FRMD8: variants seen among roughly 807,000 people sequenced by gnomAD.
FRMD8 encodes the protein FERM domain containing 8, also known as FERM domain-containing protein 8.
FRMD8 carries 37 observed loss-of-function variants against 54.2 expected under a neutral mutation model. That is an observed-to-expected ratio of 0.68 (90% CI 0.53 to 0.90). The LOEUF is 0.90. FRMD8 is among the 40% of genes least tolerant of loss of function. FRMD8 has a pLI of 0.00. For missense variants in FRMD8, 585 were observed against 653.7 expected, an observed-to-expected ratio of 0.89 and a Z score of 1.15; for synonymous variants, 246 against 286.9, an observed-to-expected ratio of 0.86 and a Z score of 1.44.
chr11:65,400,154 C>G lies in FRMD8; in HGVS notation c.927+295C>G, dbSNP rs946971659. Reference sequence around the variant, plus strand: ...TGCCTGGCTGATGGCTGGAGAACAGCCTGATGCTCCAGAAGACCCCGCGAC... The same window carrying G: ...TGCCTGGCTGATGGCTGGAGAACAGGCTGATGCTCCAGAAGACCCCGCGAC... On this transcript the variant is annotated intron_variant, in intron 8 of 10. Coordinates refer to ENST00000317568, the MANE Select transcript of FRMD8 (RefSeq NM_031904.5). The surrounding 1 kb of genome is among the most constrained non-coding windows in gnomAD (Gnocchi z 4.3). Among the ~76,000 whole-genome samples, 1 of 152,190 alleles carries G rather than the reference C, an allele frequency of 6.6e-6. No homozygotes were observed. Among genetic ancestry groups the G allele is most frequent in the African/African-American group, 2.4e-5 (1 of 41,442 alleles).
In FRMD8 at chr11:65,394,113, C is replaced by G. The variant is rs759035096; in HGVS notation, c.414+14C>G. Reference sequence around the variant, plus strand: ...CGGGAGCTCCAGGTGAGGCAGGAGCCCTGGTGGCCCCACCAGGCCTGGCCC... The same window carrying G: ...CGGGAGCTCCAGGTGAGGCAGGAGCGCTGGTGGCCCCACCAGGCCTGGCCC... On this transcript the variant is annotated intron_variant, in intron 5 of 10. Coordinates refer to ENST00000317568, the MANE Select transcript of FRMD8 (RefSeq NM_031904.5). 6.2e-7 allele frequency: 1 copy of G among 1,613,194 alleles called. No homozygotes were observed. Among genetic ancestry groups the G allele is most frequent in the Non-Finnish European group, 8.5e-7 (1 of 1,179,402 alleles).
In FRMD8 at chr11:65,393,615, G is replaced by A. The variant is rs145529099; in HGVS notation, c.296G>A (p.Arg99His). 76 of 1,608,688 alleles carry A rather than the reference G, an allele frequency of 4.7e-5. No homozygotes were observed. Among genetic ancestry groups the A allele is most frequent in the Non-Finnish European group, 6.2e-5 (73 of 1,179,966 alleles). Residue 99 changes from arginine to histidine, a missense_variant, in exon 4 of 11, where the codon CGC becomes CAC. Transcript: ENST00000317568. The part of the protein sequence containing the change: ...KPKHQPYKLG[R>H]QWPELLLRFT... Reference sequence around the variant, plus strand: ...AAGCACCAGCCCTACAAGCTGGGACGCCAGTGGCCGGAGCTGCTGCTGCGC... The same window carrying A: ...AAGCACCAGCCCTACAAGCTGGGACACCAGTGGCCGGAGCTGCTGCTGCGC...
At chr11:65,403,888 T>C (rs1856132973) in intron 9 of FRMD8, among the ~76,000 whole-genome samples, 1 of 152,316 alleles carries the variant, frequency 6.6e-6, no homozygotes, top group East Asian at 1.9e-4. Flanking sequence ...CTGTTATGGT[T>C]GCACTCAGGA....
At position 65,411,842 on chromosome 11, in the gene FRMD8, C is replaced by T. The variant is rs1326081393; in HGVS notation, c.*482C>T. 1.3e-5 allele frequency: 2 copies of T among 153,240 alleles called. No individual in the cohort carries two copies. Among genetic ancestry groups the T allele is most frequent in the African/African-American group, 4.8e-5 (2 of 41,472 alleles). 9.5% of individuals were successfully genotyped at this position (153,240 alleles called of 1,614,324 possible). A position where few individuals can be genotyped will look rare whatever the true frequency, so the allele number is the denominator to read the frequency against. On this transcript the variant is annotated 3_prime_UTR_variant, in exon 11 of 11. Coordinates refer to ENST00000317568, the MANE Select transcript of FRMD8 (RefSeq NM_031904.5). ...CTTCCTCCTGCTAGTGCTCCACCCC[C>T]CGGACTTGGATGACCAGTTTCCCAC...
Position 65,411,272 on chromosome 11 carries a change from G to A in FRMD8, c.1307G>A (p.Arg436His), listed in dbSNP as rs761995134. The change falls in exon 11 of 11, where the codon CGC (arginine) becomes CAC (histidine). Residue 436 changes from arginine to histidine, a missense_variant. Coordinates refer to ENST00000317568, the MANE Select transcript of FRMD8 (RefSeq NM_031904.5). ...GKGIRRVKPKRTTSFFSRQLS... is the reference protein window; with the variant it reads ...GKGIRRVKPKHTTSFFSRQLS... ...GGGATCAGGCGAGTGAAGCCGAAGC[G>A]CACCACATCCTTCTTCAGCCGGCAG... 8.1e-6 allele frequency: 13 copies of A among 1,609,454 alleles called. No homozygotes were observed. Among genetic ancestry groups the A allele is most frequent in the South Asian group, 3.3e-5 (3 of 90,644 alleles).
At chr11:65,410,257 G>A (rs1479906697) in intron 10 of FRMD8, among the ~76,000 whole-genome samples, 8 of 152,292 alleles carry the variant, frequency 5.3e-5, no homozygotes, top group African/African-American at 1.9e-4. Flanking sequence ...CAGCACTTTT[G>A]GAGGCCAAGA....
the FRMD8 span, chr11:65,379,036 G>T: frequency 3.2e-6 from 1 of 313,896 alleles, no homozygotes; most frequent in Non-Finnish European, 6.0e-6. Flanking sequence ...TGGTTCTCCA[G>T]GGTCAAAGGT....
chr11:65,404,381 T>C lies in FRMD8; in HGVS notation c.1072-483T>C, dbSNP rs1391293998. ...GCATCTTTTCTGTCAGTGTGCCTCA[T>C]GCTTCACACCTGTTGAGTAGGAGTC... is the stretch of plus-strand genomic sequence containing the variant. On this transcript the variant is annotated intron_variant, in intron 9 of 10. Transcript: ENST00000317568. The surrounding 1 kb of genome is among the most constrained non-coding windows in gnomAD (Gnocchi z 4.7). Among the ~76,000 whole-genome samples the C allele has an allele frequency of 1.3e-5, 2 of 152,140 alleles. No homozygotes were observed. Among genetic ancestry groups the C allele is most frequent in the African/African-American group, 4.8e-5 (2 of 41,426 alleles).
At chr11:65,397,779 G>A (rs1237079438) in intron 7 of FRMD8, among the ~76,000 whole-genome samples, 4 of 151,872 alleles carry the variant, frequency 2.6e-5, no homozygotes, top group African/African-American at 4.8e-5. Context: ...TGGCACAATC[G>A]TGGCTCACTG....
Position 65,394,078 on chromosome 11 carries a change from C to T in FRMD8, c.393C>T (p.Phe131=). 1 of 1,614,138 alleles carries T rather than the reference C, an allele frequency of 6.2e-7. No homozygotes were observed. Among genetic ancestry groups the T allele is most frequent in the South Asian group, 1.1e-5 (1 of 91,082 alleles). The change falls in exon 5 of 11, where the codon TTC becomes TTT. Residue 131 remains phenylalanine, a synonymous_variant. Coordinates refer to ENST00000317568, the MANE Select transcript of FRMD8 (RefSeq NM_031904.5). ...TGCAGTTCCGAAGGAACGTGTTCTTCCCAAAGCGGCGGGAGCTCCAGGTGA... is the reference window on the plus strand; with the variant it reads ...TGCAGTTCCGAAGGAACGTGTTCTTTCCAAAGCGGCGGGAGCTCCAGGTGA... The part of the protein sequence containing the change: ...PFLQFRRNVF[F]PKRRELQIHD...
intron 10 of FRMD8, among the ~76,000 whole-genome samples, chr11:65,406,530 G>A (rs967069846): frequency 6.6e-6 from 1 of 151,794 alleles, no homozygotes; most frequent in Admixed American, 6.6e-5. Context: ...GGGTTTCACC[G>A]TGTTAGCCAG....
At chr11:65,368,677 C>G in the FRMD8 span, among the ~76,000 whole-genome samples, 1 of 152,206 alleles carries the variant, frequency 6.6e-6, no homozygotes, top group Non-Finnish European at 1.5e-5. Flanking sequence ...CATTCTCCTG[C>G]CTCAGCCTCC....
the FRMD8 span, chr11:65,379,240 C>T: frequency 9.9e-7 from 1 of 1,008,804 alleles, no homozygotes; most frequent in Non-Finnish European, 1.5e-6. Context: ...CCTGGAAGGC[C>T]ATAGCACAGG....
chr11:65,376,277 G>T, the FRMD8 span: 1 of 1,187,076 alleles, frequency 8.4e-7, no homozygotes, highest in Non-Finnish European at 1.2e-6. Context: ...ATCTGCGCGG[G>T]TGGGAGGCAC....
At chr11:65,407,134 C>A (rs928085540) in intron 10 of FRMD8, among the ~76,000 whole-genome samples, 1 of 151,888 alleles carries the variant, frequency 6.6e-6, no homozygotes, top group African/African-American at 2.4e-5. Context: ...GAAGTTGTGG[C>A]GGTATTCTGG....
chr11:65,377,395 G>C, the FRMD8 span: 1 of 1,212,188 alleles, frequency 8.2e-7, no homozygotes, highest in Admixed American at 4.2e-5. Flanking sequence ...GTTGGTTTCT[G>C]GCCTCCCTAA....
chr11:65,407,705 A>AC (rs774903222), intron 10 of FRMD8, among the ~76,000 whole-genome samples: 11 of 151,882 alleles, frequency 7.2e-5, no homozygotes, highest in East Asian at 2.0e-4. Context: ...CCTGGCTAAC[A>AC]GGTGAAACCC....
chr11:65,396,566 G>A (rs1346370193), intron 6 of FRMD8, among the ~76,000 whole-genome samples: 1 of 152,190 alleles, frequency 6.6e-6, no homozygotes, highest in Non-Finnish European at 1.5e-5. Context: ...CTGTACAGCT[G>A]CTCTCGGCAG....
intron 4 of FRMD8, 94 bp from the exon 5 acceptor site, chr11:65,393,947 G>T: frequency 1.5e-6 from 2 of 1,326,822 alleles, no homozygotes; most frequent in East Asian, 2.4e-5. Context: ...CAGCCCTGGT[G>T]GGTGAGGTTG....
Sources: allele counts gnomAD v4.1 joint callset (sites outside exome capture counted in the v4.1 genomes callset), GRCh38; gene constraint gnomAD v4.1.1; non-coding constraint Gnocchi (gnomAD v3.1); transcripts MANE v1.5; gene names NCBI Gene and HGNC (gene_info 2026-07-23, HGNC 2026-07-21).